Variants in TMEM231 observed in about 807,000 individuals in gnomAD.
TMEM231 encodes transmembrane protein 231.
TMEM231 carries 40 observed loss-of-function variants against 38.5 expected under a neutral mutation model. The ratio of observed to expected loss-of-function variants is 1.04; its 90% CI spans 0.81 to 1.35. The LOEUF (loss-of-function observed/expected upper bound fraction) is 1.35. TMEM231 is among the 40% of genes most tolerant of loss of function. The pLI is 0.00. For missense variants in TMEM231, 420 were observed against 416.9 expected, an observed-to-expected ratio of 1.01 and a Z score of -0.07; for synonymous variants, 199 against 181.7, an observed-to-expected ratio of 1.10 and a Z score of -0.77.
intron 6 of TMEM231, 21 bp downstream of exon 6, chr16:75,541,329 A>C: frequency 1.3e-6 from 2 of 1,562,978 alleles, no homozygotes; most frequent in Non-Finnish European, 1.7e-6. Flanking sequence ...CTTAACATGG[A>C]CTCTTTAACA....
At position 75,536,903 on chromosome 16, in the gene TMEM231, C is replaced by G. The variant is rs2080565602; in HGVS notation, c.*3091G>C. 1 of 152,176 alleles carries G rather than the reference C, an allele frequency of 6.6e-6. No homozygotes were observed. Among genetic ancestry groups the G allele is most frequent in the South Asian group, 2.1e-4 (1 of 4,834 alleles). The allele number at this position is 152,176 out of a possible 1,614,324, so 9.4% of individuals were successfully genotyped here. On this transcript the variant is annotated 3_prime_UTR_variant, in exon 7 of 7. Transcript: ENST00000258173. ...TTGGGTGGCCAAAGCGGATGGATCA[C>G]TTGAGGTCAGGAGTTCGAGACCAGC...
intron 4 of TMEM231, among the ~76,000 whole-genome samples, chr16:75,543,249 T>C (rs1396988195): frequency 6.7e-6 from 1 of 149,656 alleles, no homozygotes; most frequent in Admixed American, 6.7e-5. Context: ...AAAGACTTCA[T>C]CTCTCAAAAA....
intron 6 of TMEM231, among the ~76,000 whole-genome samples, chr16:75,540,836 T>G (rs1210235181): frequency 6.6e-6 from 1 of 152,226 alleles, no homozygotes; most frequent in African/African-American, 2.4e-5. Context: ...CCTATATGAA[T>G]AGCAGACATA....
rs1435468553 is a variant in TMEM231, at chr16:75,541,222, C to G, written c.770+128G>C. 8 of 390,906 alleles carry G rather than the reference C, an allele frequency of 2.0e-5. No homozygotes were observed. In the East Asian group the frequency reaches 3.3e-4, roughly 16 times the overall value. The allele number at this position is 390,906 out of a possible 1,614,324, so 24.2% of individuals were successfully genotyped here. A position where few individuals can be genotyped will look rare whatever the true frequency, so the allele number is the denominator to read the frequency against. ...TTTGGTAGAGACAGGGACTCACTATCTTGGCCAGGCTGGTTGTGAACTCCT... is the reference window on the plus strand; with the variant it reads ...TTTGGTAGAGACAGGGACTCACTATGTTGGCCAGGCTGGTTGTGAACTCCT... On this transcript the variant is annotated intron_variant, in intron 6 of 6. Coordinates refer to ENST00000258173, the MANE Select transcript of TMEM231 (RefSeq NM_001077418.3).
intron 2 of TMEM231, among the ~76,000 whole-genome samples, chr16:75,546,924 G>A (rs145763766): frequency 8.9e-4 from 135 of 152,208 alleles, no homozygotes; most frequent in Non-Finnish European, 1.3e-3. Context: ...ATATCTATTT[G>A]ATAAATTACG....
Position 75,538,705 on chromosome 16 carries a change from T to C in TMEM231, c.*1289A>G, listed in dbSNP as rs2080586775. 1 of 152,200 alleles carries C rather than the reference T, an allele frequency of 6.6e-6. No homozygotes were observed. The allele number at this position is 152,200 out of a possible 1,614,324, so 9.4% of individuals were successfully genotyped here. ...CATGAAGCATGGATCACCGGGGCCATGTCCTTCCAGTGGCAATGACCTGCT... is the reference window on the plus strand; with the variant it reads ...CATGAAGCATGGATCACCGGGGCCACGTCCTTCCAGTGGCAATGACCTGCT... On this transcript the variant is annotated 3_prime_UTR_variant, in exon 7 of 7. Transcript: ENST00000258173.
In TMEM231 at chr16:75,540,030, C is replaced by T. The variant is rs759314500; in HGVS notation, c.915G>A (p.Thr305=). The T allele has an allele frequency of 8.1e-6, 13 of 1,613,206 alleles. No individual in the cohort carries two copies. The highest frequency in any genetic ancestry group is 6.7e-5 in the African/African-American group (5 of 74,894). ...GCTCCTTACACAAGTCTCCCCGGGGCGTCACTGTCACAGGAATGGTGGTCA... is the reference window on the plus strand; with the variant it reads ...GCTCCTTACACAAGTCTCCCCGGGGTGTCACTGTCACAGGAATGGTGGTCA... The part of the protein sequence containing the change: ...QVVTTIPVTV[T]PRGDLCKEHL... Residue 305 remains threonine, a synonymous_variant, in exon 7 of 7, where the codon ACG becomes ACA. Coordinates refer to ENST00000258173, the MANE Select transcript of TMEM231 (RefSeq NM_001077418.3).
rs1567432043 is a variant in TMEM231, at chr16:75,537,134, AAAAAAGAAAAAG to A, written c.*2848_*2859del. The A allele has an allele frequency of 1.3e-5, 2 of 152,148 alleles. No individual in the cohort carries two copies. The highest frequency in any genetic ancestry group is 2.9e-5 in the Non-Finnish European group (2 of 68,432). 9.4% of individuals were successfully genotyped at this position (152,148 alleles called of 1,614,324 possible). A position where few individuals can be genotyped will look rare whatever the true frequency, so the allele number is the denominator to read the frequency against. ...GAGACTCTGTCTCAAAAAAAAAAAA[AAAAAAGAAAAAG>A]AAAAAGAAAAGAAAAACCACCTACT... On this transcript the variant is annotated 3_prime_UTR_variant, in exon 7 of 7. Coordinates refer to ENST00000258173, the MANE Select transcript of TMEM231 (RefSeq NM_001077418.3).
intron 2 of TMEM231, among the ~76,000 whole-genome samples, chr16:75,552,798 CCA>C (rs890706100): frequency 6.6e-5 from 10 of 152,076 alleles, no homozygotes; most frequent in Non-Finnish European, 1.2e-4. Flanking sequence ...CAGTTGATAA[CCA>C]CAGACAGGAA....
At chr16:75,547,215 T>C (rs2080703721) in intron 2 of TMEM231, among the ~76,000 whole-genome samples, 1 of 152,244 alleles carries the variant, frequency 6.6e-6, no homozygotes, top group Non-Finnish European at 1.5e-5. Flanking sequence ...CATTCCCATC[T>C]GGATCCACCA....
At chr16:75,551,906 G>A (rs1326939371) in intron 2 of TMEM231, among the ~76,000 whole-genome samples, 4 of 151,376 alleles carry the variant, frequency 2.6e-5, no homozygotes, top group African/African-American at 9.7e-5. Flanking sequence ...AGGTTGCAGT[G>A]AGAAGAGATT....
chr16:75,553,314 A>T (rs1597048419), intron 2 of TMEM231, among the ~76,000 whole-genome samples: 1 of 152,338 alleles, frequency 6.6e-6, no homozygotes, highest in Admixed American at 6.5e-5. Flanking sequence ...GTTCCAGTCC[A>T]GACTCTGTTC....
chr16:75,542,672 G>C lies in TMEM231; in HGVS notation c.594C>G (p.Ile198Met). Residue 198 changes from isoleucine to methionine, a missense_variant, in exon 5 of 7, where the codon ATC becomes ATG. By Grantham distance (10) the Ile-to-Met change is conservative. Coordinates refer to ENST00000258173, the MANE Select transcript of TMEM231 (RefSeq NM_001077418.3). Reference sequence around the variant, plus strand: ...CATAGGCAAAGGGGCTGGTCCCGTTGATCACGGATATCTGGGACACGGGAG... The same window carrying C: ...CATAGGCAAAGGGGCTGGTCCCGTTCATCACGGATATCTGGGACACGGGAG... ...GLDARYNISV[I>M]NGTSPFAYDY... The C allele has an allele frequency of 6.2e-7, 1 of 1,613,884 alleles. No homozygotes were observed. Among genetic ancestry groups the C allele is most frequent in the Non-Finnish European group, 8.5e-7 (1 of 1,179,862 alleles).
intron 2 of TMEM231, among the ~76,000 whole-genome samples, chr16:75,554,300 G>T (rs892733187): frequency 6.6e-6 from 1 of 152,102 alleles, no homozygotes; most frequent in African/African-American, 2.4e-5. Flanking sequence ...CACAGTGGCT[G>T]ACACCTATGA....
chr16:75,549,670 T>G (rs764481918), intron 2 of TMEM231, among the ~76,000 whole-genome samples: 7 of 152,142 alleles, frequency 4.6e-5, no homozygotes, highest in Non-Finnish European at 1.0e-4. Context: ...GAGATACACA[T>G]GAAATCCACA....
intron 2 of TMEM231, among the ~76,000 whole-genome samples, chr16:75,554,622 C>G (rs1396676464): frequency 6.7e-6 from 1 of 149,562 alleles, no homozygotes; most frequent in Non-Finnish European, 1.5e-5. Context: ...GTGAAAAAGT[C>G]AAAGCAAACC....
chr16:75,541,574 C>G (rs1433925392), intron 5 of TMEM231, 119 bp from the exon 6 acceptor site: 2 of 555,646 alleles, frequency 3.6e-6, no homozygotes, highest in Non-Finnish European at 6.0e-6. Flanking sequence ...AGAAATCATT[C>G]GGAAGGAAAG....
chr16:75,548,383 A>G (rs1279507436), intron 2 of TMEM231, among the ~76,000 whole-genome samples: 1 of 152,186 alleles, frequency 6.6e-6, no homozygotes, highest in East Asian at 1.9e-4. Context: ...AAATTCACTC[A>G]TTGATCTGTT....
At position 75,555,614 on chromosome 16, in the gene TMEM231, G is replaced by C. The variant is rs186529237; in HGVS notation, c.309+190C>G. The C allele has an allele frequency of 1.0e-4, 55 of 547,796 alleles. No homozygotes were observed. In the Admixed American group the frequency reaches 1.5e-3, roughly 15 times the overall value. 33.9% of individuals were successfully genotyped at this position (547,796 alleles called of 1,614,324 possible). ...TTCTGGGGGCCGGGGACATCTGGGAGAAGCAGAATGAAACAGAAGATCGAT... is the reference window on the plus strand; with the variant it reads ...TTCTGGGGGCCGGGGACATCTGGGACAAGCAGAATGAAACAGAAGATCGAT... On this transcript the variant is annotated intron_variant, in intron 2 of 6. Transcript: ENST00000258173.
Sources: allele counts gnomAD v4.1 joint callset (sites outside exome capture counted in the v4.1 genomes callset), GRCh38; gene constraint gnomAD v4.1.1; transcripts MANE v1.5; gene names NCBI Gene and HGNC (gene_info 2026-07-23, HGNC 2026-07-21).